Variants in NCALD observed in about 807,000 individuals in gnomAD.
NCALD encodes the protein neurocalcin delta, also known as neurocalcin-delta.
Under a neutral mutation model 18.6 loss-of-function variants are expected in NCALD, and 10 were observed. That is an observed-to-expected ratio of 0.54 (90% CI 0.33 to 0.91). NCALD has a LOEUF of 0.91. NCALD is among the 40% of genes least tolerant of loss of function. NCALD has a pLI of 0.03. For missense variants in NCALD, 184 were observed against 247.6 expected (o/e 0.74, Z 1.72); for synonymous variants, 88 against 87.4 (o/e 1.01, Z -0.04).
intron 1 of NCALD, among the ~76,000 whole-genome samples, chr8:101,778,971 G>A (rs1811904745): frequency 6.6e-6 from 1 of 152,100 alleles, no homozygotes; most frequent in African/African-American, 2.4e-5. Context: ...ATGGGAGAGG[G>A]ATGGGGGATG....
At chr8:101,959,036 T>C (rs892095868) in intron 2 of NCALD, among the ~76,000 whole-genome samples, 2 of 152,140 alleles carry the variant, frequency 1.3e-5, no homozygotes, top group Non-Finnish European at 2.9e-5. Context: ...GCAATACTAC[T>C]ATCTCATCCT....
chr8:101,945,358 AG>A (rs1362599661), intron 2 of NCALD, among the ~76,000 whole-genome samples: 3 of 152,200 alleles, frequency 2.0e-5, no homozygotes, highest in African/African-American at 7.2e-5. Flanking sequence ...GAGGAGAGGA[AG>A]GGGCTAAAAT....
At chr8:101,729,119 T>C (rs1816701056) in intron 1 of NCALD, among the ~76,000 whole-genome samples, 1 of 152,232 alleles carries the variant, frequency 6.6e-6, no homozygotes, top group South Asian at 2.1e-4. Flanking sequence ...TCTTTGATTT[T>C]CACTAAGGAA....
chr8:101,769,427 T>C (rs774744049), intron 1 of NCALD, among the ~76,000 whole-genome samples: 20 of 152,154 alleles, frequency 1.3e-4, no homozygotes, highest in Admixed American at 5.2e-4. Context: ...TATAATATAC[T>C]ACCTATAAGC....
chr8:101,968,602 T>C (rs565501183), intron 2 of NCALD, among the ~76,000 whole-genome samples: 1 of 152,232 alleles, frequency 6.6e-6, no homozygotes, highest in Admixed American at 6.5e-5. Flanking sequence ...CTGTGAAAAA[T>C]GCTTGCTGTA....
chr8:101,723,638 A>C (rs1331336725), intron 1 of NCALD, among the ~76,000 whole-genome samples: 2 of 152,204 alleles, frequency 1.3e-5, no homozygotes, highest in Admixed American at 1.3e-4. Context: ...AAAGCATCAA[A>C]TATTTTAATA....
intron 4 of NCALD, among the ~76,000 whole-genome samples, chr8:101,814,542 G>T (rs1319206021): frequency 6.6e-6 from 1 of 152,052 alleles, no homozygotes; most frequent in Non-Finnish European, 1.5e-5. Context: ...TACTTAAGAT[G>T]ATAAACTCAC....
At chr8:101,807,352 G>A (rs902621507) in intron 4 of NCALD, among the ~76,000 whole-genome samples, 2 of 151,980 alleles carry the variant, frequency 1.3e-5, no homozygotes, top group African/African-American at 4.8e-5. Context: ...GTAAAATATT[G>A]TTGTAAAATA....
chr8:101,714,945 C>T (rs1459349698), intron 2 of NCALD, among the ~76,000 whole-genome samples: 3 of 149,128 alleles, frequency 2.0e-5, no homozygotes, highest in Non-Finnish European at 2.9e-5. Flanking sequence ...TGCAGTGAGC[C>T]GAGATTGCGC....
intron 4 of NCALD, among the ~76,000 whole-genome samples, chr8:101,823,378 G>C (rs1467595526): frequency 1.3e-5 from 2 of 152,212 alleles, no homozygotes; most frequent in Non-Finnish European, 2.9e-5. Context: ...GGAAAGACAA[G>C]AAGAATGCTT....
intron 2 of NCALD, among the ~76,000 whole-genome samples, chr8:101,702,108 A>C (rs58785646): frequency 0.026 from 3,940 of 152,262 alleles, 135 homozygotes; most frequent in African/African-American, 0.078. Flanking sequence ...GAGCAGTTCC[A>C]TGTAAGATTT....
intron 1 of NCALD, among the ~76,000 whole-genome samples, chr8:102,105,214 T>C (rs1162282047): frequency 2.0e-5 from 3 of 152,216 alleles, no homozygotes; most frequent in Non-Finnish European, 4.4e-5. Flanking sequence ...ACAGACTGTA[T>C]AGCTATAGAT....
intron 4 of NCALD, among the ~76,000 whole-genome samples, chr8:101,838,926 T>C (rs1254168500): frequency 2.0e-5 from 3 of 152,250 alleles, no homozygotes; most frequent in African/African-American, 7.2e-5. Flanking sequence ...TGAGATGTTT[T>C]TCATCCAGAA....
At position 101,943,833 on chromosome 8, in the gene NCALD, C is replaced by G. The variant is rs146925045; in HGVS notation, c.-156-27975G>C. On this transcript the variant is annotated intron_variant, in intron 2 of 6. Transcript: ENST00000311028. ...GCGGGCTCCTGTAGTCTCAGTTACT[C>G]GGGAGGCTGAGGCAGGAGAATCACT... Among the ~76,000 whole-genome samples, 1,427 of 151,960 alleles carry G rather than the reference C, an allele frequency of 9.4e-3. 35 individuals are homozygous for G. The highest frequency in any genetic ancestry group is 0.032 in the African/African-American group (1,321 of 41,430).
At chr8:101,911,129 T>C (rs749031843) in intron 3 of NCALD, among the ~76,000 whole-genome samples, 10 of 152,202 alleles carry the variant, frequency 6.6e-5, no homozygotes, top group Non-Finnish European at 1.5e-4. Context: ...TGAGTTATTT[T>C]ACCAATAGTA....
chr8:101,698,259 G>T (rs144787414), intron 2 of NCALD, among the ~76,000 whole-genome samples: 1,857 of 152,220 alleles, frequency 0.012, 39 homozygotes, highest in African/African-American at 0.042. Context: ...GAGAATTACA[G>T]ACCACTGCTC....
intron 2 of NCALD, among the ~76,000 whole-genome samples, chr8:101,957,740 G>A (rs1428670724): frequency 6.6e-6 from 1 of 152,140 alleles, no homozygotes; most frequent in Non-Finnish European, 1.5e-5. Flanking sequence ...GGAACACAAG[G>A]ATGGCAAGTA....
In NCALD at chr8:101,692,854, C is replaced by A; in HGVS notation, c.421G>T (p.Asp141Tyr). ...GTTCTTTTCTCTGGGGTTGACTCAT[C>A]TTCAGGCATTTTCATTACAGAGGAA... ...MVSSVMKMPE[D>Y]ESTPEKRTEK... is the part of the protein sequence containing the mutation. The change falls in exon 3 of 4, where the codon GAT becomes TAT. Residue 141 changes from aspartate to tyrosine, a missense_variant. Transcript: ENST00000220931. 6.2e-7 allele frequency: 1 copy of A among 1,614,042 alleles called. No individual in the cohort carries two copies. The highest frequency in any genetic ancestry group is 8.5e-7 in the Non-Finnish European group (1 of 1,179,898).
intron 1 of NCALD, among the ~76,000 whole-genome samples, chr8:102,039,697 C>T (rs1225612413): frequency 1.3e-5 from 2 of 152,070 alleles, no homozygotes; most frequent in African/African-American, 4.8e-5. Context: ...AATGTTCATC[C>T]TCTCTAAACC....
Sources: allele counts gnomAD v4.1 joint callset (sites outside exome capture counted in the v4.1 genomes callset), GRCh38; gene constraint gnomAD v4.1.1; transcripts MANE v1.5; gene names NCBI Gene and HGNC (gene_info 2026-07-23, HGNC 2026-07-21).